Variants in FAF2 observed in about 807,000 individuals in gnomAD.
The protein encoded by FAF2 is FAS-associated factor 2.
Under a neutral mutation model 62.3 loss-of-function variants are expected in FAF2, and 9 were observed. That is an observed-to-expected ratio of 0.14 (90% CI 0.09 to 0.25). The LOEUF (loss-of-function observed/expected upper bound fraction) is 0.25. Among genes scored for constraint, FAF2 ranks in the 10% least tolerant of loss-of-function variants. FAF2 has a pLI of 1.00. For synonymous variants in FAF2, 202 were observed against 198.0 expected (o/e 1.02, Z -0.17); for missense variants, 368 against 556.2 (o/e 0.66, Z 3.40).
Position 176,506,798 on chromosome 5 carries a change from G to C in FAF2, c.1186G>C (p.Glu396Gln). Residue 396 changes from glutamate to glutamine, a missense_variant, in exon 11 of 11, where the codon GAA becomes CAA. Physicochemically the swap from Glu to Gln is conservative, Grantham distance 29. This residue lies in a region of FAF2 where 37 missense variants were observed against 114.3 expected (regional missense o/e 0.32). Transcript: ENST00000261942. ...VIHDFLFSLKESPEKFQIEAN... is the reference protein window; with the variant it reads ...VIHDFLFSLKQSPEKFQIEAN... ...CCACGACTTCTTATTCTCCTTGAAG[G>C]AAAGCCCAGAAAAGTTTCAGATTGA... 2 of 1,613,696 alleles carry C rather than the reference G, an allele frequency of 1.2e-6. No individual in the cohort carries two copies. The highest frequency in any genetic ancestry group is 4.5e-5 in the East Asian group (2 of 44,868).
At chr5:176,464,487 CTTTTTTT>C (rs142550204) in intron 1 of FAF2, among the ~76,000 whole-genome samples, 1 of 80,028 alleles carries the variant, frequency 1.2e-5, no homozygotes, top group Non-Finnish European at 2.3e-5. Context: ...CAAGCTGATT[CTTTTTTT>C]TTTTTTTTTT....
intron 2 of FAF2, among the ~76,000 whole-genome samples, chr5:176,483,558 T>C (rs1389170140): frequency 6.6e-6 from 1 of 152,208 alleles, no homozygotes; most frequent in Non-Finnish European, 1.5e-5. Flanking sequence ...GGGGACTACC[T>C]GATATTAGCC....
chr5:176,479,328 C>A, intron 2 of FAF2, 72 bp downstream of exon 2: 1 of 1,206,126 alleles, frequency 8.3e-7, no homozygotes, highest in South Asian at 1.3e-5. Context: ...GTATGTTTTT[C>A]CATAGCAGGA....
chr5:176,507,851 A>C lies in FAF2; in HGVS notation c.*901A>C, dbSNP rs1304145167. On this transcript the variant is annotated 3_prime_UTR_variant, in exon 11 of 11. Transcript: ENST00000261942. ...GCAGCTTTTCCTTGGAGTCTGTACC[A>C]GGTGGTGGTTATGGGGTCTGAACCA... 6.5e-6 allele frequency: 1 copy of C among 152,840 alleles called. No individual in the cohort carries two copies. Among genetic ancestry groups the C allele is most frequent in the Non-Finnish European group, 1.5e-5 (1 of 68,244 alleles). 9.5% of individuals were successfully genotyped at this position (152,840 alleles called of 1,614,324 possible).
chr5:176,463,725 T>G lies in FAF2; in HGVS notation c.63+15255T>G, dbSNP rs1274593879. ...AATTAGAATAAAGGGTTATTGCATG[T>G]TTTTTTTTTTTTTTTTTTCCTTGAG... On this transcript the variant is annotated intron_variant, in intron 1 of 10. Transcript: ENST00000261942. Among the ~76,000 whole-genome samples the G allele has an allele frequency of 4.0e-5, 5 of 125,610 alleles. No individual in the cohort carries two copies. In the East Asian group the frequency reaches 1.0e-3, roughly 26 times the overall value. The allele number at this position is 125,610 out of a possible 152,430, so 82.4% of individuals were successfully genotyped here.
At chr5:176,453,579 T>G (rs576227332) in intron 1 of FAF2, 1 of 152,288 alleles carries the variant, frequency 6.6e-6, no homozygotes, top group South Asian at 2.1e-4. Flanking sequence ...TTTTTGTTCA[T>G]GTATTTAAAA....
intron 1 of FAF2, among the ~76,000 whole-genome samples, chr5:176,455,069 A>G (rs1251404768): frequency 6.6e-6 from 1 of 152,018 alleles, no homozygotes; most frequent in Non-Finnish European, 1.5e-5. Context: ...TGTCTGGGGA[A>G]ATTGCTAAAA....
At chr5:176,483,429 T>A (rs1758816460) in intron 2 of FAF2, among the ~76,000 whole-genome samples, 1 of 152,216 alleles carries the variant, frequency 6.6e-6, no homozygotes, top group Non-Finnish European at 1.5e-5. Flanking sequence ...GTATTTGTAG[T>A]TAATTTTTAT....
At chr5:176,477,107 CTTT>C (rs773244335) in intron 1 of FAF2, among the ~76,000 whole-genome samples, 1 of 122,872 alleles carries the variant, frequency 8.1e-6, no homozygotes. Flanking sequence ...CGTGCCCGGC[CTTT>C]TTTTTTTTTT....
At chr5:176,458,361 C>T (rs915882230) in intron 1 of FAF2, among the ~76,000 whole-genome samples, 1 of 151,240 alleles carries the variant, frequency 6.6e-6, no homozygotes, top group African/African-American at 2.4e-5. Context: ...GGATTACAGG[C>T]ATGAGCCACC....
chr5:176,453,652 A>G (rs1758224102), intron 1 of FAF2: 1 of 152,162 alleles, frequency 6.6e-6, no homozygotes. Context: ...TTGAGAAAAC[A>G]AGAGCTTTGA....
At chr5:176,464,222 A>G (rs1758427295) in intron 1 of FAF2, among the ~76,000 whole-genome samples, 1 of 152,072 alleles carries the variant, frequency 6.6e-6, no homozygotes, top group African/African-American at 2.4e-5. Flanking sequence ...TGTTGGGATT[A>G]CAGGTGTGAG....
Position 176,499,198 on chromosome 5 carries a change from A to G in FAF2, c.1011+113A>G, listed in dbSNP as rs552540936. On this transcript the variant is annotated intron_variant, in intron 9 of 10. Transcript: ENST00000261942. ...AGCCACCTTAAACAGACTAAGAGGG[A>G]AAAAAAAAAAGGAAAAAGGAAAGAA... 1.6e-4 allele frequency: 69 copies of G among 443,548 alleles called. 1 individual carries two copies. Among genetic ancestry groups the G allele is most frequent in the Middle Eastern group, 9.3e-4 (1 of 1,076 alleles). The allele number at this position is 443,548 out of a possible 1,614,324, so 27.5% of individuals were successfully genotyped here.
At chr5:176,474,602 GT>G (rs1180940029) in intron 1 of FAF2, among the ~76,000 whole-genome samples, 2 of 152,114 alleles carry the variant, frequency 1.3e-5, no homozygotes, top group Admixed American at 6.6e-5. Flanking sequence ...AGGTCTGTGG[GT>G]TTTTATCTGT....
At chr5:176,499,557 TTTGA>T (rs1561828515) in intron 9 of FAF2, among the ~76,000 whole-genome samples, 1 of 152,244 alleles carries the variant, frequency 6.6e-6, no homozygotes, top group Admixed American at 6.5e-5. Context: ...CATTATCTTA[TTTGA>T]TTATGTATTA....
chr5:176,468,732 A>G (rs539345624), intron 1 of FAF2, among the ~76,000 whole-genome samples: 200 of 152,102 alleles, frequency 1.3e-3, no homozygotes, highest in African/African-American at 4.6e-3. Flanking sequence ...AAGGAGGTTC[A>G]AGACCAGGCT....
chr5:176,450,868 G>A (rs1264833842), intron 1 of FAF2, among the ~76,000 whole-genome samples: 1 of 152,152 alleles, frequency 6.6e-6, no homozygotes, highest in Non-Finnish European at 1.5e-5. Context: ...TATTAGAAGA[G>A]AGGTGGGTAG....
intron 2 of FAF2, among the ~76,000 whole-genome samples, chr5:176,485,766 A>T (rs891899475): frequency 5.3e-5 from 8 of 151,800 alleles, no homozygotes; most frequent in African/African-American, 1.9e-4. Context: ...GTCTCGTTTC[A>T]TTGCCCTGGC....
intron 10 of FAF2, among the ~76,000 whole-genome samples, chr5:176,504,460 T>C (rs908907110): frequency 2.0e-5 from 3 of 152,012 alleles, no homozygotes; most frequent in African/African-American, 7.2e-5. Context: ...GGTGCGCGCC[T>C]GTAGTCACTG....
Sources: gnomAD v4.1 joint callset for allele counts (sites outside exome capture counted in the v4.1 genomes callset) on GRCh38, gnomAD v4.1.1 for gene constraint, gnomAD v4.1.1 regional missense constraint, MANE v1.5 for transcripts, NCBI Gene and HGNC (gene_info 2026-07-23, HGNC 2026-07-21) for gene names.